Variants in FBXW4 observed in about 807,000 individuals in gnomAD.
FBXW4 encodes the protein F-box/WD repeat-containing protein 4.
In FBXW4, 40 loss-of-function variants were observed where a neutral mutation model predicts 61.8. That is an observed-to-expected ratio of 0.65 (90% CI 0.50 to 0.84). The LOEUF (loss-of-function observed/expected upper bound fraction) is 0.84, where lower values mean the gene tolerates loss of function less well. FBXW4 is among the 40% of genes least tolerant of loss of function. FBXW4 has a pLI of 0.00. For missense variants in FBXW4, 672 were observed against 753.8 expected, an observed-to-expected ratio of 0.89 and a Z score of 1.27; for synonymous variants, 311 against 313.8, an observed-to-expected ratio of 0.99 and a Z score of 0.10.
At chr10:101,631,673 G>A (rs2063958343) in intron 5 of FBXW4, among the ~76,000 whole-genome samples, 1 of 151,042 alleles carries the variant, frequency 6.6e-6, no homozygotes, top group Non-Finnish European at 1.5e-5. Flanking sequence ...TGTCGCCTAG[G>A]CTGGAGTGCA....
At chr10:101,637,227 C>CAA (rs1211982230) in intron 5 of FBXW4, among the ~76,000 whole-genome samples, 2 of 114,982 alleles carry the variant, frequency 1.7e-5, no homozygotes, top group Non-Finnish European at 3.7e-5. Flanking sequence ...ACTAAAAATA[C>CAA]AAAAAAAAAA....
chr10:101,632,835 A>G (rs1270747676), intron 5 of FBXW4, among the ~76,000 whole-genome samples: 2 of 152,178 alleles, frequency 1.3e-5, no homozygotes, highest in African/African-American at 4.8e-5. Flanking sequence ...AAATGATGAT[A>G]CAATATTCAC....
intron 1 of FBXW4, among the ~76,000 whole-genome samples, chr10:101,682,450 T>G (rs943240705): frequency 3.3e-5 from 5 of 152,162 alleles, no homozygotes; most frequent in Admixed American, 3.3e-4. Flanking sequence ...TGTCTGCTCC[T>G]CGTATCTGCA....
Position 101,694,995 on chromosome 10 carries a change from C to T in FBXW4, c.111G>A (p.Arg37=). 8.8e-7 allele frequency: 1 copy of T among 1,130,986 alleles called. No individual in the cohort carries two copies. Among genetic ancestry groups the T allele is most frequent in the Non-Finnish European group, 1.1e-6 (1 of 922,312 alleles). The allele number at this position is 1,130,986 out of a possible 1,614,324, so 70.1% of individuals were successfully genotyped here. The change falls in exon 1 of 9, where the codon AGG becomes AGA. Residue 37 remains arginine (R), a synonymous_variant. Coordinates refer to ENST00000331272, the MANE Select transcript of FBXW4 (RefSeq NM_022039.4). This position sits in a 1 kb window ranked among gnomAD's most constrained non-coding sequence, Gnocchi z 6.0. ...QEGRVARGKR[R]KGKGKGKARA... Reference sequence around the variant, plus strand: ...TCGCTTTTCCCTTCCCCTTCCCCTTCCTTCGCTTCCCCCTCGCCACCCTCC... The same window carrying T: ...TCGCTTTTCCCTTCCCCTTCCCCTTTCTTCGCTTCCCCCTCGCCACCCTCC...
chr10:101,666,898 A>G (rs954023079), intron 5 of FBXW4, among the ~76,000 whole-genome samples: 4 of 151,276 alleles, frequency 2.6e-5, no homozygotes, highest in Non-Finnish European at 4.4e-5. Flanking sequence ...TTCTAAAACA[A>G]AAAAACAACA....
At chr10:101,691,686 G>C (rs1166151681) in intron 1 of FBXW4, among the ~76,000 whole-genome samples, 1 of 152,116 alleles carries the variant, frequency 6.6e-6, no homozygotes, top group East Asian at 1.9e-4. Flanking sequence ...TATGAAGAGA[G>C]AGAAAGCCAA....
rs2063789013 is a variant in FBXW4, at chr10:101,611,822, C to T, written c.1443-53G>A. 3.2e-6 allele frequency: 5 copies of T among 1,577,092 alleles called. No individual in the cohort carries two copies. Among genetic ancestry groups the T allele is most frequent in the Admixed American group, 1.7e-5 (1 of 57,740 alleles). The stretch of plus-strand genomic sequence containing the variant: ...AGGTTTAGGGTACCCTCCACCTCTA[C>T]CCCAGCTTTCTTGGGCCTAGAGTGG... On this transcript the variant is annotated intron_variant, in intron 7 of 8. Transcript: ENST00000331272. This position sits in a 1 kb window ranked among gnomAD's most constrained non-coding sequence, Gnocchi z 4.9.
At chr10:101,628,426 C>T (rs1202785467) in intron 5 of FBXW4, among the ~76,000 whole-genome samples, 1 of 152,180 alleles carries the variant, frequency 6.6e-6, no homozygotes, top group Non-Finnish European at 1.5e-5. Flanking sequence ...TCCCATCTCC[C>T]CTTTGAGATC....
intron 5 of FBXW4, among the ~76,000 whole-genome samples, chr10:101,662,259 C>T (rs917188567): frequency 5.9e-5 from 9 of 152,200 alleles, no homozygotes; most frequent in African/African-American, 2.2e-4. Context: ...AACAAACACC[C>T]TCCTTTCCCC....
intron 5 of FBXW4, among the ~76,000 whole-genome samples, chr10:101,640,203 T>C (rs541087669): frequency 6.6e-6 from 1 of 152,140 alleles, no homozygotes. Flanking sequence ...CTTATACCAA[T>C]GCCTAAGAAC....
In FBXW4 at chr10:101,686,863, T is replaced by A. The variant is rs562324436; in HGVS notation, c.725+7518A>T. Among the ~76,000 whole-genome samples the A allele has an allele frequency of 2.6e-4, 39 of 152,064 alleles. 1 individual carries two copies. The South Asian group carries it at 8.1e-3, about 32-fold the overall frequency. ...GTCAAACTGCATCCAAGATAAGGGATGAAGTTCTCCCTTAGCAACTCACTT... is the reference window on the plus strand; with the variant it reads ...GTCAAACTGCATCCAAGATAAGGGAAGAAGTTCTCCCTTAGCAACTCACTT... On this transcript the variant is annotated intron_variant, in intron 1 of 8. Transcript: ENST00000331272.
intron 5 of FBXW4, among the ~76,000 whole-genome samples, chr10:101,666,957 C>T (rs911497728): frequency 1.3e-5 from 2 of 151,080 alleles, no homozygotes; most frequent in African/African-American, 4.9e-5. Flanking sequence ...TAGGGCTGGG[C>T]ACAGTGGCTC....
chr10:101,682,178 T>A (rs1410773950), intron 1 of FBXW4, among the ~76,000 whole-genome samples: 1 of 152,260 alleles, frequency 6.6e-6, no homozygotes, highest in Non-Finnish European at 1.5e-5. Context: ...TTTCTTCTAA[T>A]TAGTTTAGTT....
chr10:101,644,020 T>C (rs1368706193), intron 5 of FBXW4, among the ~76,000 whole-genome samples: 1 of 152,190 alleles, frequency 6.6e-6, no homozygotes, highest in African/African-American at 2.4e-5. Context: ...AGACTGCAAT[T>C]ATTCCCCCCA....
At chr10:101,635,308 A>C (rs1564908700) in intron 5 of FBXW4, among the ~76,000 whole-genome samples, 1 of 150,944 alleles carries the variant, frequency 6.6e-6, no homozygotes, top group African/African-American at 2.5e-5. Context: ...CTGATTCTAC[A>C]TTATGGTGAG....
chr10:101,643,528 T>C (rs2064071721), intron 5 of FBXW4, among the ~76,000 whole-genome samples: 1 of 152,250 alleles, frequency 6.6e-6, no homozygotes, highest in African/African-American at 2.4e-5. Flanking sequence ...ATGCACGCTT[T>C]GCATTACATC....
chr10:101,614,410 C>A (rs1205650345), intron 6 of FBXW4, among the ~76,000 whole-genome samples: 1 of 152,188 alleles, frequency 6.6e-6, no homozygotes, highest in Non-Finnish European at 1.5e-5. Flanking sequence ...AAGGCCCACC[C>A]AGACTGGGCT....
At chr10:101,687,087 A>G (rs2064541606) in intron 1 of FBXW4, among the ~76,000 whole-genome samples, 1 of 152,194 alleles carries the variant, frequency 6.6e-6, no homozygotes, top group Non-Finnish European at 1.5e-5. Context: ...AGCAGGGGAA[A>G]TATCATTCCT....
chr10:101,633,139 T>A (rs76197608), intron 5 of FBXW4, among the ~76,000 whole-genome samples: 1 of 152,178 alleles, frequency 6.6e-6, no homozygotes, highest in African/African-American at 2.4e-5. Context: ...TACCTAGGCA[T>A]TGGCTTGTTA....
Sources: allele counts gnomAD v4.1 joint callset (sites outside exome capture counted in the v4.1 genomes callset), GRCh38; gene constraint gnomAD v4.1.1; non-coding constraint Gnocchi (gnomAD v3.1); transcripts MANE v1.5; gene names NCBI Gene and HGNC (gene_info 2026-07-23, HGNC 2026-07-21).